Variants in ZNF563 observed in about 807,000 individuals in gnomAD.
ZNF563 encodes the protein zinc finger protein 563.
Under a neutral mutation model 48.5 loss-of-function variants are expected in ZNF563, and 39 were observed. The observed-to-expected ratio is 0.80, with a 90% CI of 0.62 to 1.05. ZNF563 has a LOEUF of 1.05. Among genes scored for constraint, ZNF563 ranks in the 50% least tolerant of loss-of-function variants. ZNF563 has a pLI of 0.00. For missense variants in ZNF563, 538 were observed against 597.0 expected (o/e 0.90, Z 1.03); for synonymous variants, 168 against 187.9 (o/e 0.89, Z 0.87).
chr19:12,317,816 G>A lies in ZNF563; in HGVS notation c.*778C>T, dbSNP rs1333478125. On this transcript the variant is annotated 3_prime_UTR_variant, in exon 4 of 4. Coordinates refer to ENST00000293725, the MANE Select transcript of ZNF563 (RefSeq NM_145276.3). ...TTTACTATGTGTTTACATTCATAGGGTTTATCTCCAATGAGAATTATTTCT... is the reference window on the plus strand; with the variant it reads ...TTTACTATGTGTTTACATTCATAGGATTTATCTCCAATGAGAATTATTTCT... 1 of 154,814 alleles carries A rather than the reference G, an allele frequency of 6.5e-6. No homozygotes were observed. Among genetic ancestry groups the A allele is most frequent in the Non-Finnish European group, 1.5e-5 (1 of 68,138 alleles). 9.6% of individuals were successfully genotyped at this position (154,814 alleles called of 1,614,324 possible). A position where few individuals can be genotyped will look rare whatever the true frequency, so the allele number is the denominator to read the frequency against.
In ZNF563 at chr19:12,326,874, T is replaced by C. The variant is rs553367133; in HGVS notation, c.4-4163A>G. On this transcript the variant is annotated intron_variant, in intron 1 of 3. Transcript: ENST00000293725. ...CTTTTCTTATACTTTCTTGATCTAATAGATATGTTTGCTCAAAATAATAGT... is the reference window on the plus strand; with the variant it reads ...CTTTTCTTATACTTTCTTGATCTAACAGATATGTTTGCTCAAAATAATAGT... Among the ~76,000 whole-genome samples the C allele has an allele frequency of 3.3e-5, 5 of 152,332 alleles. No individual in the cohort carries two copies. In the South Asian group the frequency reaches 1.0e-3, roughly 32 times the overall value.
intron 3 of ZNF563, among the ~76,000 whole-genome samples, 171 bp downstream of exon 3, chr19:12,321,101 C>A (rs888910002): frequency 6.6e-6 from 1 of 151,966 alleles, no homozygotes; most frequent in Middle Eastern, 3.4e-3. Flanking sequence ...GATCATGCCA[C>A]TGCACTCCAG....
At position 12,320,159 on chromosome 19, in the gene ZNF563, AC is replaced by A. The variant is rs567511505; in HGVS notation, c.192-327del. On this transcript the variant is annotated intron_variant, in intron 3 of 3. Coordinates refer to ENST00000293725, the MANE Select transcript of ZNF563 (RefSeq NM_145276.3). ...TCTCGAACTTCTGACCTCGTGATCC[AC>A]CCCCCCTTGGCCTCCCAAAGTGCTG... 9.3e-4 allele frequency among the ~76,000 whole-genome samples: 141 copies of A among 151,224 alleles called. 4 individuals carry two copies. Among genetic ancestry groups the A allele is most frequent in the African/African-American group, 3.2e-3 (130 of 41,178 alleles).
At chr19:12,321,223 T>A in intron 3 of ZNF563, 49 bp downstream of exon 3, 1 of 1,309,386 alleles carries the variant, frequency 7.6e-7, no homozygotes, top group Non-Finnish European at 1.1e-6. Flanking sequence ...TTCCTTTTAC[T>A]CTGAGAATCA....
At chr19:12,343,888 G>A in the ZNF563 span, among the ~76,000 whole-genome samples, 5 of 151,526 alleles carry the variant, frequency 3.3e-5, no homozygotes, top group South Asian at 4.2e-4. Flanking sequence ...CCACCACCAC[G>A]CCCGGCTAAT....
upstream of ZNF563, among the ~76,000 whole-genome samples, chr19:12,335,256 T>C (rs1969005635): frequency 6.6e-6 from 1 of 152,238 alleles, no homozygotes; most frequent in African/African-American, 2.4e-5. Context: ...CCTACTCTTC[T>C]ATCCAAGGCT....
At chr19:12,343,472 T>C in the ZNF563 span, among the ~76,000 whole-genome samples, 1 of 152,132 alleles carries the variant, frequency 6.6e-6, no homozygotes, top group Non-Finnish European at 1.5e-5. Context: ...ACCCTGTCTT[T>C]AATATTTTTT....
upstream of ZNF563, among the ~76,000 whole-genome samples, chr19:12,336,332 C>T (rs142715935): frequency 6.1e-3 from 926 of 152,228 alleles, 14 homozygotes; most frequent in African/African-American, 0.021. Flanking sequence ...GTGGCTCACA[C>T]CTGCAATTCC....
the ZNF563 span, chr19:12,346,458 T>C: frequency 6.6e-6 from 1 of 152,208 alleles, no homozygotes; most frequent in Admixed American, 6.5e-5. Flanking sequence ...TGTGACAATG[T>C]GGAAAATAGA....
intron 1 of ZNF563, among the ~76,000 whole-genome samples, chr19:12,330,043 C>T (rs1404742679): frequency 6.6e-6 from 1 of 152,212 alleles, no homozygotes; most frequent in East Asian, 1.9e-4. Flanking sequence ...GCCTCAGCCT[C>T]CCGAATAGCT....
upstream of ZNF563, among the ~76,000 whole-genome samples, chr19:12,336,443 T>C (rs1386310186): frequency 1.3e-5 from 2 of 152,024 alleles, no homozygotes; most frequent in Non-Finnish European, 2.9e-5. Flanking sequence ...ATACTAAAAA[T>C]TAGCTGGGCA....
intron 2 of ZNF563, 53 bp downstream of exon 2, chr19:12,322,532 C>A (rs761237892): frequency 4.1e-5 from 63 of 1,537,120 alleles, no homozygotes; most frequent in Non-Finnish European, 4.8e-5. Context: ...GCACTGATGA[C>A]CATGAAACAA....
chr19:12,321,400 T>C lies in ZNF563; in HGVS notation c.131-68A>G, dbSNP rs532781696. 3.6e-4 allele frequency: 351 copies of C among 967,096 alleles called. 1 individual carries two copies. In the African/African-American group the frequency reaches 4.0e-3, roughly 11 times the overall value. The allele number at this position is 967,096 out of a possible 1,614,324, so 59.9% of individuals were successfully genotyped here. A position where few individuals can be genotyped will look rare whatever the true frequency, so the allele number is the denominator to read the frequency against. On this transcript the variant is annotated intron_variant, in intron 2 of 3. Coordinates refer to ENST00000293725, the MANE Select transcript of ZNF563 (RefSeq NM_145276.3). ...TTATATAAAACAGTAAGATTTTATG[T>C]ATACTGCAATCATACATGATTCGTT...
the ZNF563 span, among the ~76,000 whole-genome samples, chr19:12,345,456 A>G: frequency 1.3e-5 from 2 of 152,218 alleles, no homozygotes; most frequent in African/African-American, 4.8e-5. Context: ...ATTTTTGACA[A>G]CAGTGCCAAG....
the ZNF563 span, among the ~76,000 whole-genome samples, chr19:12,339,266 T>C: frequency 6.7e-6 from 1 of 148,712 alleles, no homozygotes; most frequent in Admixed American, 6.7e-5. Flanking sequence ...ATGCATCCAG[T>C]TGATTTCTTT....
chr19:12,326,689 C>T (rs1294725983), intron 1 of ZNF563, among the ~76,000 whole-genome samples: 1 of 151,858 alleles, frequency 6.6e-6, no homozygotes, highest in Non-Finnish European at 1.5e-5. Flanking sequence ...TGAATCTACC[C>T]ATTCACAGAA....
intron 1 of ZNF563, among the ~76,000 whole-genome samples, chr19:12,326,237 A>T (rs941814509): frequency 1.3e-5 from 2 of 152,220 alleles, no homozygotes; most frequent in South Asian, 2.1e-4. Flanking sequence ...AAATAGATTT[A>T]AAAAATCAAT....
chr19:12,319,599 T>C lies in ZNF563; in HGVS notation c.426A>G (p.Thr142=). 1 of 1,614,210 alleles carries C rather than the reference T, an allele frequency of 6.2e-7. No homozygotes were observed. The highest frequency in any genetic ancestry group is 8.5e-7 in the Non-Finnish European group (1 of 1,180,024). ...EYQEYGEKPH[T]HKQRGKAFSY... is the part of the protein sequence containing the mutation. ...TGAAGGCTTTCCCACGTTGTTTATG[T>C]GTATGTGGCTTCTCTCCATATTCCT... The change falls in exon 4 of 4, where the codon ACA becomes ACG. Residue 142 remains threonine (T), a synonymous_variant. Transcript: ENST00000293725.
rs752541592 is a variant in ZNF563 at position 12,319,047 on chromosome 19, T to A, written c.978A>T (p.Ile326=). 3 of 1,614,200 alleles carry A rather than the reference T, an allele frequency of 1.9e-6. No homozygotes were observed. Among genetic ancestry groups the A allele is most frequent in the Non-Finnish European group, 2.5e-6 (3 of 1,180,028 alleles). ...KTFHHLGSFQ[I]HMKRHTGDRP... The stretch of plus-strand genomic sequence containing the variant: ...GATCTCCAGTGTGCCTTTTCATGTG[T>A]ATCTGAAAGCTTCCAAGATGATGAA... The change falls in exon 4 of 4, where the codon ATA becomes ATT. Residue 326 remains isoleucine (I), a synonymous_variant. Coordinates refer to ENST00000293725, the MANE Select transcript of ZNF563 (RefSeq NM_145276.3).
Sources: allele counts gnomAD v4.1 joint callset (sites outside exome capture counted in the v4.1 genomes callset), GRCh38; gene constraint gnomAD v4.1.1; transcripts MANE v1.5; gene names NCBI Gene and HGNC (gene_info 2026-07-23, HGNC 2026-07-21).